SNTG2: variants seen among roughly 807,000 people sequenced by gnomAD.
SNTG2 encodes the protein syntrophin gamma 2.
A neutral mutation model predicts 70.9 loss-of-function variants in SNTG2; 74 were observed. The observed-to-expected ratio is 1.04, with a 90% CI of 0.86 to 1.27. The LOEUF (loss-of-function observed/expected upper bound fraction) is 1.27, where lower values mean the gene tolerates loss of function less well. SNTG2 is among the 50% of genes most tolerant of loss of function. The probability of loss-of-function intolerance (pLI) is 0.00; values close to 1 mark genes in which losing one functional copy is unlikely to be tolerated. For synonymous variants in SNTG2, 278 were observed against 273.8 expected (o/e 1.02, Z -0.15); for missense variants, 717 against 690.7 (o/e 1.04, Z -0.43).
chr2:1,021,082 C>T (rs1036177752), intron 1 of SNTG2, among the ~76,000 whole-genome samples: 4 of 152,032 alleles, frequency 2.6e-5, no homozygotes, highest in African/African-American at 9.7e-5. Flanking sequence ...TCTCTTGAAT[C>T]GCCAATTTTC....
chr2:1,193,943 A>G (rs1672748797), intron 8 of SNTG2, among the ~76,000 whole-genome samples: 1 of 152,260 alleles, frequency 6.6e-6, no homozygotes, highest in Non-Finnish European at 1.5e-5. Flanking sequence ...TGCAGGCCAC[A>G]GTGTGGGCAC....
At position 959,625 on chromosome 2, in the gene SNTG2, C is replaced by T. The variant is rs530681444; in HGVS notation, c.72+8557C>T. The stretch of plus-strand genomic sequence containing the variant: ...TCAGGGCGGCCTTTGCTTTACTGGC[C>T]TTGGGCTGAATGGAGAAGGTGAACG... On this transcript the variant is annotated intron_variant, in intron 1 of 16. Transcript: ENST00000308624. Among the ~76,000 whole-genome samples the T allele has an allele frequency of 4.0e-5, 6 of 151,248 alleles. No individual in the cohort carries two copies. The East Asian group carries it at 1.2e-3, about 29-fold the overall frequency.
rs1660490958 is a variant in SNTG2, at chr2:965,098, T to TCTCCTCCTTGGACCCCAATC, written c.72+14047_72+14048insATCCTCCTCCTTGGACCCCA. 2.7e-5 allele frequency among the ~76,000 whole-genome samples: 4 copies of TCTCCTCCTTGGACCCCAATC among 148,302 alleles called. 1 individual carries two copies. The South Asian group carries it at 6.5e-4, about 24-fold the overall frequency. On this transcript the variant is annotated intron_variant, in intron 1 of 16. Transcript: ENST00000308624. ...CCCCAGTCCTCCTCTGGACTCCAGT[T>TCTCCTCCTTGGACCCCAATC]CTCCTCCTTGGACCCCAGTCCTCCT...
chr2:1,302,206 A>G (rs1030886714), intron 14 of SNTG2, among the ~76,000 whole-genome samples: 1 of 151,766 alleles, frequency 6.6e-6, no homozygotes, highest in Non-Finnish European at 1.5e-5. Context: ...TGATCCTCCC[A>G]CCTCAGCCTC....
At chr2:1,183,720 C>T (rs1488190973) in intron 8 of SNTG2, among the ~76,000 whole-genome samples, 1 of 152,124 alleles carries the variant, frequency 6.6e-6, no homozygotes, top group African/African-American at 2.4e-5. Flanking sequence ...GCTATTTATA[C>T]ACTCTCAGTT....
At chr2:1,054,276 C>CGGA (rs201500871) in intron 1 of SNTG2, among the ~76,000 whole-genome samples, 5 of 46,816 alleles carry the variant, frequency 1.1e-4, no homozygotes, top group Non-Finnish European at 1.9e-4. Context: ...CCGTTCCCAC[C>CGGA]CAAGAGAGGC....
intron 8 of SNTG2, among the ~76,000 whole-genome samples, chr2:1,189,423 A>G (rs545646280): frequency 7.2e-5 from 11 of 152,204 alleles, no homozygotes; most frequent in Non-Finnish European, 1.2e-4. Flanking sequence ...TAGTCAAGGT[A>G]TTATTGAAGC....
intron 11 of SNTG2, among the ~76,000 whole-genome samples, chr2:1,241,839 C>G (rs964871214): frequency 3.3e-5 from 5 of 152,164 alleles, no homozygotes; most frequent in African/African-American, 1.2e-4. Context: ...TCACATCGAT[C>G]TTGGTGGCCT....
chr2:1,188,173 A>G (rs1023571019), intron 8 of SNTG2, among the ~76,000 whole-genome samples: 1 of 152,238 alleles, frequency 6.6e-6, no homozygotes, highest in African/African-American at 2.4e-5. Flanking sequence ...GATGTAAAGT[A>G]CATTCTGAAG....
In SNTG2 at chr2:952,882, A is replaced by G. The variant is rs55770583; in HGVS notation, c.72+1814A>G. On this transcript the variant is annotated intron_variant, in intron 1 of 16. Transcript: ENST00000308624. ...AAAACATGAATGTTCTTAGTATACA[A>G]TGTCATCCTTACTTAATGGCAGAAT... Among the ~76,000 whole-genome samples, 1,489 of 152,306 alleles carry G rather than the reference A, an allele frequency of 9.8e-3. 26 individuals are homozygous for G. The highest frequency in any genetic ancestry group is 0.034 in the African/African-American group (1,400 of 41,564).
chr2:1,265,344 G>A (rs777919121), intron 13 of SNTG2, among the ~76,000 whole-genome samples: 1 of 152,096 alleles, frequency 6.6e-6, no homozygotes, highest in Non-Finnish European at 1.5e-5. Context: ...ACACATTCAC[G>A]TACACACACA....
At chr2:1,064,143 C>T (rs1045297380) in intron 1 of SNTG2, among the ~76,000 whole-genome samples, 1 of 151,796 alleles carries the variant, frequency 6.6e-6, no homozygotes, top group South Asian at 2.1e-4. Context: ...CTTCACAGTG[C>T]TAAAAGAAAA....
chr2:1,128,793 T>A (rs28378193), intron 4 of SNTG2, among the ~76,000 whole-genome samples: 18,184 of 151,986 alleles, frequency 0.12, 1,135 homozygotes, highest in Admixed American at 0.15. Context: ...CGTCCAGGGC[T>A]GATAGCCATC....
At position 1,258,655 on chromosome 2, in the gene SNTG2, CAAT is replaced by C. The variant is rs367942399; in HGVS notation, c.1006-712_1006-710del. ...GCTGAAGGAAAAAGTGCAGGGTCAA[CAAT>C]AAAAAACATCAAATTTGTTACATTG... is the stretch of plus-strand genomic sequence containing the variant. On this transcript the variant is annotated intron_variant, in intron 12 of 16. Transcript: ENST00000308624. Among the ~76,000 whole-genome samples, 334 of 152,230 alleles carry C rather than the reference CAAT, an allele frequency of 2.2e-3. 4 individuals are homozygous for C. Among genetic ancestry groups the C allele is most frequent in the African/African-American group, 7.4e-3 (307 of 41,544 alleles).
At chr2:1,185,841 T>A (rs1409733081) in intron 8 of SNTG2, among the ~76,000 whole-genome samples, 1 of 152,230 alleles carries the variant, frequency 6.6e-6, no homozygotes, top group Non-Finnish European at 1.5e-5. Context: ...TTTGGGCTAT[T>A]AACATTTGGC....
intron 1 of SNTG2, among the ~76,000 whole-genome samples, chr2:1,020,607 A>G (rs957357606): frequency 2.0e-5 from 3 of 152,056 alleles, no homozygotes; most frequent in Non-Finnish European, 4.4e-5. Flanking sequence ...TTGGAAGAAT[A>G]GTCTAATAAT....
intron 16 of SNTG2, among the ~76,000 whole-genome samples, chr2:1,336,914 A>G (rs1347464676): frequency 1.3e-5 from 2 of 151,862 alleles, no homozygotes; most frequent in Non-Finnish European, 2.9e-5. Context: ...TGTTCTATTT[A>G]CCCAATAATG....
chr2:1,238,264 C>T (rs904186279), intron 10 of SNTG2, among the ~76,000 whole-genome samples: 1 of 151,984 alleles, frequency 6.6e-6, no homozygotes, highest in Non-Finnish European at 1.5e-5. Flanking sequence ...TCCCCTCTGT[C>T]TGCCTCTGTC....
intron 1 of SNTG2, among the ~76,000 whole-genome samples, chr2:1,040,426 T>A (rs935296689): frequency 6.6e-6 from 1 of 152,056 alleles, no homozygotes; most frequent in African/African-American, 2.4e-5. Context: ...GCTTTCCCCT[T>A]CCCGCCACCT....
Sources: gnomAD v4.1 joint callset for allele counts (sites outside exome capture counted in the v4.1 genomes callset) on GRCh38, gnomAD v4.1.1 for gene constraint, MANE v1.5 for transcripts, NCBI Gene and HGNC (gene_info 2026-07-23, HGNC 2026-07-21) for gene names.